LAMA2: variants seen among roughly 807,000 people sequenced by gnomAD.
The protein encoded by LAMA2 is laminin subunit alpha-2.
Under a neutral mutation model 364.8 loss-of-function variants are expected in LAMA2, and 269 were observed. The ratio of observed to expected loss-of-function variants is 0.74; its 90% CI spans 0.67 to 0.82. LAMA2 has a LOEUF of 0.82. LAMA2 is among the 40% of genes least tolerant of loss of function. The pLI is 0.00. For synonymous variants in LAMA2, 1,379 were observed against 1,370.6 expected, an observed-to-expected ratio of 1.01 and a Z score of -0.14; for missense variants, 3,807 against 3,873.2, an observed-to-expected ratio of 0.98 and a Z score of 0.45.
At chr6:129,241,917 G>A (rs1207206093) in intron 12 of LAMA2, among the ~76,000 whole-genome samples, 1 of 152,138 alleles carries the variant, frequency 6.6e-6, no homozygotes, top group Non-Finnish European at 1.5e-5. Context: ...AGAGTGAAAA[G>A]GGAATAGTGG....
chr6:129,162,277 A>G (rs896226316), intron 8 of LAMA2, among the ~76,000 whole-genome samples: 2 of 152,230 alleles, frequency 1.3e-5, no homozygotes, highest in African/African-American at 2.4e-5. Flanking sequence ...TATATTGCAC[A>G]TAATTTGTAA....
chr6:129,300,767 T>C lies in LAMA2; in HGVS notation c.3069T>C (p.Cys1023=). ...AATGTTCTCATCTGGGTAATAATTG[T>C]GACCCAAAGACTGGGCGATGCATTT... ...ACECSHLGNN[C]DPKTGRCICP... The change falls in exon 22 of 65, where the codon TGT becomes TGC. Residue 1023 remains cysteine (C), a synonymous_variant. Transcript: ENST00000421865. 1 of 1,613,840 alleles carries C rather than the reference T, an allele frequency of 6.2e-7. No individual in the cohort carries two copies. Among genetic ancestry groups the C allele is most frequent in the Non-Finnish European group, 8.5e-7 (1 of 1,179,736 alleles).
intron 1 of LAMA2, among the ~76,000 whole-genome samples, chr6:128,941,194 C>T (rs973857717): frequency 5.3e-5 from 8 of 152,110 alleles, no homozygotes; most frequent in South Asian, 2.1e-4. Flanking sequence ...CAATGGAAAG[C>T]CTTCACAGTT....
At chr6:129,401,113 A>T in intron 37 of LAMA2, 111 bp from the exon 38 acceptor site, 1 of 793,240 alleles carries the variant, frequency 1.3e-6, no homozygotes, top group Non-Finnish European at 2.3e-6. Context: ...TTTCAACATG[A>T]TGTACCTTTT....
chr6:129,381,264 G>T (rs1778667155), intron 34 of LAMA2, among the ~76,000 whole-genome samples: 2 of 152,132 alleles, frequency 1.3e-5, no homozygotes, highest in African/African-American at 4.8e-5. Flanking sequence ...GAAAGTAAGA[G>T]TGGTACCATA....
At chr6:129,156,879 A>T (rs987605843) in intron 8 of LAMA2, among the ~76,000 whole-genome samples, 1 of 151,994 alleles carries the variant, frequency 6.6e-6, no homozygotes, top group African/African-American at 2.4e-5. Flanking sequence ...TCTTGGTCAG[A>T]TATTGCATTT....
intron 12 of LAMA2, among the ~76,000 whole-genome samples, chr6:129,202,410 G>A (rs1055142151): frequency 1.3e-5 from 2 of 151,910 alleles, no homozygotes; most frequent in Non-Finnish European, 2.9e-5. Context: ...CTCCATGAAT[G>A]GGATTAACAT....
intron 40 of LAMA2, among the ~76,000 whole-genome samples, chr6:129,408,653 C>A (rs988221432): frequency 6.6e-6 from 1 of 152,116 alleles, no homozygotes; most frequent in Non-Finnish European, 1.5e-5. Flanking sequence ...TGGCTGATCA[C>A]CCTGAGGAAG....
At position 129,431,802 on chromosome 6, in the gene LAMA2, T is replaced by C. The variant is rs529883733; in HGVS notation, c.5968+3948T>C. On this transcript the variant is annotated intron_variant, in intron 41 of 64. Coordinates refer to ENST00000421865, the MANE Select transcript of LAMA2 (RefSeq NM_000426.4). Reference sequence around the variant, plus strand: ...ATCAAACCAGTTGAAGCCTTCCTTCTATACAGTGGTCCTCCAAACACTCAG... The same window carrying C: ...ATCAAACCAGTTGAAGCCTTCCTTCCATACAGTGGTCCTCCAAACACTCAG... Among the ~76,000 whole-genome samples the C allele has an allele frequency of 2.1e-4, 32 of 152,332 alleles. 1 individual carries two copies. In the South Asian group the frequency reaches 3.5e-3, roughly 17 times the overall value.
At chr6:129,461,422 G>T (rs1311007983) in intron 49 of LAMA2, among the ~76,000 whole-genome samples, 1 of 151,984 alleles carries the variant, frequency 6.6e-6, no homozygotes, top group Admixed American at 6.6e-5. Flanking sequence ...TAGTTTGAAA[G>T]CGTGACCCAT....
chr6:129,364,708 C>T (rs1777659293), intron 32 of LAMA2, among the ~76,000 whole-genome samples: 1 of 152,182 alleles, frequency 6.6e-6, no homozygotes, highest in Non-Finnish European at 1.5e-5. Context: ...AATAGCACCT[C>T]TTTGATGGCC....
chr6:129,238,889 A>T (rs1785202038), intron 12 of LAMA2, among the ~76,000 whole-genome samples: 1 of 151,988 alleles, frequency 6.6e-6, no homozygotes, highest in African/African-American at 2.4e-5. Context: ...ATTTTTTGAG[A>T]TCTACCTTTT....
chr6:129,255,730 A>T (rs1019505951), intron 14 of LAMA2, among the ~76,000 whole-genome samples: 1 of 152,190 alleles, frequency 6.6e-6, no homozygotes, highest in Admixed American at 6.5e-5. Flanking sequence ...ATAATCTAGA[A>T]AAATTCCTTT....
chr6:129,115,821 C>T (rs1163928029), intron 4 of LAMA2, among the ~76,000 whole-genome samples: 1 of 152,142 alleles, frequency 6.6e-6, no homozygotes, highest in Non-Finnish European at 1.5e-5. Flanking sequence ...AAATACATAT[C>T]TGCCCACGTT....
chr6:129,306,204 G>C (rs1773855863), intron 22 of LAMA2, among the ~76,000 whole-genome samples: 1 of 149,914 alleles, frequency 6.7e-6, no homozygotes, highest in South Asian at 2.1e-4. Flanking sequence ...AAATTCCTTT[G>C]TGTACATTAA....
Position 129,315,742 on chromosome 6 carries a change from T to C in LAMA2, c.3736-20T>C, listed in dbSNP as rs1327986312. 3 of 1,612,874 alleles carry C rather than the reference T, an allele frequency of 1.9e-6. No individual in the cohort carries two copies. Among genetic ancestry groups the C allele is most frequent in the East Asian group, 2.3e-5 (1 of 44,338 alleles). On this transcript the variant is annotated intron_variant, in intron 25 of 64. Transcript: ENST00000421865. ...TTTGGAGATTTATCCAATTCCTCAT[T>C]CTTCTTTTTATTTTGTCAGTTGATG...
chr6:129,430,557 A>T (rs1781538966), intron 41 of LAMA2, among the ~76,000 whole-genome samples: 1 of 152,230 alleles, frequency 6.6e-6, no homozygotes, highest in Non-Finnish European at 1.5e-5. Context: ...ATGTTTGTGG[A>T]GATAAAAAGT....
intron 15 of LAMA2, among the ~76,000 whole-genome samples, chr6:129,264,639 GAAGCAGGGTCA>G (rs1364400428): frequency 6.6e-6 from 1 of 152,106 alleles, no homozygotes; most frequent in East Asian, 1.9e-4. Flanking sequence ...CTGACGTTAA[GAAGCAGGGTCA>G]AAGCAGAGGA....
chr6:129,382,199 G>A (rs79844303), intron 34 of LAMA2, among the ~76,000 whole-genome samples: 89 of 152,200 alleles, frequency 5.8e-4, no homozygotes, highest in African/African-American at 2.1e-3. Flanking sequence ...TCTGTAGTTA[G>A]ACTATCCATA....
Sources: allele counts gnomAD v4.1 joint callset (sites outside exome capture counted in the v4.1 genomes callset), GRCh38; gene constraint gnomAD v4.1.1; transcripts MANE v1.5; gene names NCBI Gene and HGNC (gene_info 2026-07-23, HGNC 2026-07-21).